Variants in SYNE2 observed in about 807,000 individuals in gnomAD.
The protein encoded by SYNE2 is nesprin-2.
Under a neutral mutation model 856.3 loss-of-function variants are expected in SYNE2, and 431 were observed. That is an observed-to-expected ratio of 0.50 (90% CI 0.47 to 0.55). The LOEUF (loss-of-function observed/expected upper bound fraction) is 0.55. SYNE2 is among the 20% of genes least tolerant of loss of function. The pLI, the probability that SYNE2 is intolerant of heterozygous loss-of-function variation, is 0.00. For missense variants in SYNE2, 8,129 were observed against 8,023.2 expected (o/e 1.01, Z -0.50); for synonymous variants, 2,923 against 2,872.3 (o/e 1.02, Z -0.56).
At chr14:64,048,653 AT>A (rs1217311786) in intron 46 of SYNE2, 5 of 154,232 alleles carry the variant, frequency 3.2e-5, no homozygotes, top group African/African-American at 1.2e-4. Flanking sequence ...CATGTCTGTT[AT>A]CCCAGCACTT....
At chr14:63,767,862 T>C (rs1435485212) in intron 1 of SYNE2, among the ~76,000 whole-genome samples, 1 of 152,126 alleles carries the variant, frequency 6.6e-6, no homozygotes, top group Non-Finnish European at 1.5e-5. Flanking sequence ...CCATGATACA[T>C]CATTTCACAT....
chr14:63,981,043 T>C lies in SYNE2; in HGVS notation c.1706T>C (p.Met569Thr), dbSNP rs530677710. Residue 569 changes from methionine (M) to threonine (T), a missense_variant, in exon 16 of 116, where the codon ATG becomes ACG. By Grantham distance (81) the Met-to-Thr change is moderately conservative. Coordinates refer to ENST00000555002, the MANE Select transcript of SYNE2 (RefSeq NM_182914.3). ...ATGATGGTGAAATCTGATGTTTGTA[T>C]GTATAGAAAAAATATATATAATGTG... ...QYMMVKSDVC[M>T]YRKNIYNVKS... 5.7e-5 allele frequency: 90 copies of C among 1,582,118 alleles called. 2 individuals are homozygous for C. In the South Asian group the frequency reaches 9.3e-4, roughly 16 times the overall value.
chr14:64,134,446 C>T (rs2098062240), intron 78 of SYNE2, among the ~76,000 whole-genome samples: 1 of 152,118 alleles, frequency 6.6e-6, no homozygotes, highest in Non-Finnish European at 1.5e-5. Context: ...ACTTCTGTGA[C>T]CTTGCTGTCC....
chr14:64,044,406 C>G (rs1247644164), intron 45 of SYNE2, among the ~76,000 whole-genome samples: 1 of 152,178 alleles, frequency 6.6e-6, no homozygotes, highest in African/African-American at 2.4e-5. Context: ...TTTACAGGCT[C>G]ATAGGCAAAG....
intron 53 of SYNE2, among the ~76,000 whole-genome samples, chr14:64,075,031 TTAC>T (rs2097446864): frequency 6.6e-6 from 1 of 152,096 alleles, no homozygotes; most frequent in South Asian, 2.1e-4. Flanking sequence ...GGGATGACAC[TTAC>T]TTATTAAACC....
intron 1 of SYNE2, among the ~76,000 whole-genome samples, chr14:63,831,549 C>CTT (rs1211983068): frequency 0.017 from 1,210 of 69,580 alleles, 2 homozygotes; most frequent in East Asian, 0.022. Flanking sequence ...AATGTTCATT[C>CTT]TTTTTTTTTT....
chr14:64,109,978 A>G (rs981839312), intron 65 of SYNE2, among the ~76,000 whole-genome samples: 7 of 152,240 alleles, frequency 4.6e-5, no homozygotes, highest in Non-Finnish European at 7.3e-5. Flanking sequence ...TTTAGTATGG[A>G]AAAATGTGAA....
At chr14:63,848,442 A>G (rs985081558), upstream of SYNE2, 4 of 152,308 alleles carry the variant, frequency 2.6e-5, no homozygotes, top group African/African-American at 7.2e-5. Flanking sequence ...GACCTATCTT[A>G]GCCTGACAGA....
intron 37 of SYNE2, 24 bp downstream of exon 37, chr14:64,022,052 T>A: frequency 6.2e-7 from 1 of 1,610,794 alleles, no homozygotes; most frequent in African/African-American, 1.3e-5. Context: ...TTCTCTTATT[T>A]TGTTTCTGGG....
chr14:64,202,737 G>A, intron 99 of SYNE2, 64 bp from the exon 100 acceptor site: 3 of 1,606,394 alleles, frequency 1.9e-6, no homozygotes, highest in Non-Finnish European at 2.6e-6. Flanking sequence ...ACTAAGTATT[G>A]GGCTTTTGTT....
At chr14:64,210,184 G>A (rs929219353) in intron 103 of SYNE2, 60 bp downstream of exon 103, 26 of 1,566,494 alleles carry the variant, frequency 1.7e-5, no homozygotes, top group Non-Finnish European at 2.0e-5. Context: ...CGCACGATAC[G>A]CAATGGCAGG....
intron 9 of SYNE2, 93 bp from the exon 10 acceptor site, chr14:63,963,806 A>AT: frequency 1.3e-6 from 1 of 781,616 alleles, no homozygotes; most frequent in Non-Finnish European, 2.2e-6. Context: ...TAATGATGGC[A>AT]TTATTTCACT....
chr14:63,943,285 A>G (rs574035741), intron 6 of SYNE2, among the ~76,000 whole-genome samples: 3 of 152,354 alleles, frequency 2.0e-5, no homozygotes, highest in East Asian at 3.8e-4. Context: ...AGTGATGGTT[A>G]TAGTTCTGAC....
intron 2 of SYNE2, among the ~76,000 whole-genome samples, chr14:63,940,070 A>ACTT (rs2095886901): frequency 7.7e-6 from 1 of 129,400 alleles, no homozygotes; most frequent in African/African-American, 2.9e-5. Context: ...GTCTCAGTTC[A>ACTT]TTTTTTTTTT....
chr14:64,188,264 T>G (rs2098501644), intron 97 of SYNE2, among the ~76,000 whole-genome samples: 1 of 152,216 alleles, frequency 6.6e-6, no homozygotes, highest in African/African-American at 2.4e-5. Context: ...TGTTTCTAAT[T>G]TTTACTATAA....
chr14:64,209,208 C>T, intron 101 of SYNE2: 1 of 857,296 alleles, frequency 1.2e-6, no homozygotes, highest in Non-Finnish European at 1.8e-6. Flanking sequence ...GTGGAGGCAG[C>T]CCTGTCTCCT....
chr14:64,093,950 C>T (rs2097653210), intron 61 of SYNE2, among the ~76,000 whole-genome samples: 1 of 152,158 alleles, frequency 6.6e-6, no homozygotes. Context: ...TGGGCTTCAG[C>T]AGTGAAGACC....
intron 1 of SYNE2, among the ~76,000 whole-genome samples, chr14:63,764,519 C>G (rs1325386672): frequency 6.8e-6 from 1 of 147,964 alleles, no homozygotes; most frequent in South Asian, 2.2e-4. Flanking sequence ...CCGCCCCCGC[C>G]TCCATCTCTT....
At chr14:63,885,551 A>T (rs1180041288) in intron 1 of SYNE2, among the ~76,000 whole-genome samples, 1 of 152,132 alleles carries the variant, frequency 6.6e-6, no homozygotes, top group African/African-American at 2.4e-5. Context: ...TTAATTCTGG[A>T]CCATTTAACT....
Sources: gnomAD v4.1 joint callset for allele counts (sites outside exome capture counted in the v4.1 genomes callset) on GRCh38, gnomAD v4.1.1 for gene constraint, MANE v1.5 for transcripts, NCBI Gene and HGNC (gene_info 2026-07-23, HGNC 2026-07-21) for gene names.